MBNL1: variants seen among roughly 807,000 people sequenced by gnomAD.
MBNL1 encodes the protein muscleblind-like protein 1.
Under a neutral mutation model 42.2 loss-of-function variants are expected in MBNL1, and 8 were observed. The ratio of observed to expected loss-of-function variants is 0.19; its 90% CI spans 0.11 to 0.34. MBNL1 has a LOEUF of 0.34. Ranked by LOEUF, MBNL1 falls within the 10% of genes least tolerant of loss-of-function variation. The probability of loss-of-function intolerance (pLI) is 1.00; values close to 1 mark genes in which losing one functional copy is unlikely to be tolerated. For synonymous variants in MBNL1, 169 were observed against 173.9 expected (o/e 0.97, Z 0.22); for missense variants, 309 against 495.3 (o/e 0.62, Z 3.57).
chr3:152,323,456 C>T (rs965773648), intron 2 of MBNL1, among the ~76,000 whole-genome samples: 10 of 152,020 alleles, frequency 6.6e-5, no homozygotes, highest in African/African-American at 1.4e-4. Context: ...TGTACACACA[C>T]GTGCGTGCAC....
At chr3:152,324,986 G>A (rs1417028290) in intron 2 of MBNL1, among the ~76,000 whole-genome samples, 1 of 145,412 alleles carries the variant, frequency 6.9e-6, no homozygotes, top group Non-Finnish European at 1.5e-5. Context: ...ATGTACAGTG[G>A]GTCATCTACT....
intron 1 of MBNL1, among the ~76,000 whole-genome samples, chr3:152,283,903 C>G (rs1469437733): frequency 6.6e-6 from 1 of 152,152 alleles, no homozygotes; most frequent in Non-Finnish European, 1.5e-5. Context: ...TTTCTTATCC[C>G]TTTTGAAACT....
In MBNL1 at chr3:152,340,549, T is replaced by C. The variant is rs751673981; in HGVS notation, c.174+40182T>C. The C allele has an allele frequency of 5.0e-6, 8 of 1,611,542 alleles. No homozygotes were observed. In the South Asian group the frequency reaches 7.7e-5, roughly 16 times the overall value. ...TTTTTAATTCTTCATGAGTCCAAGC[T>C]GAGACATAGCTACAACTGACAGGAT... On this transcript the variant is annotated intron_variant, in intron 2 of 9. Coordinates refer to ENST00000324210, the MANE Select transcript of MBNL1 (RefSeq NM_021038.5).
chr3:152,415,499 T>A (rs1476591599), intron 3 of MBNL1, among the ~76,000 whole-genome samples: 3 of 152,220 alleles, frequency 2.0e-5, no homozygotes, highest in African/African-American at 4.8e-5. Context: ...GTCTTTAATT[T>A]TGAGAATAGT....
chr3:152,299,674 T>C lies in MBNL1; in HGVS notation c.-520T>C, dbSNP rs780074802. Reference sequence around the variant, plus strand: ...AGGAAATCAAGGAGGAAAAAAAAAATCATTTTCTCGATTTTGCTCTAAACT... The same window carrying C: ...AGGAAATCAAGGAGGAAAAAAAAAACCATTTTCTCGATTTTGCTCTAAACT... On this transcript the variant is annotated 5_prime_UTR_variant, in exon 2 of 10. Transcript: ENST00000324210. 1.5e-5 allele frequency: 6 copies of C among 398,376 alleles called. No homozygotes were observed. The highest frequency in any genetic ancestry group is 2.7e-5 in the Non-Finnish European group (6 of 226,064). The allele number at this position is 398,376 out of a possible 1,614,324, so 24.7% of individuals were successfully genotyped here.
intron 2 of MBNL1, among the ~76,000 whole-genome samples, chr3:152,317,583 G>A (rs1173015808): frequency 6.6e-6 from 1 of 152,126 alleles, no homozygotes; most frequent in African/African-American, 2.4e-5. Context: ...GCCTCTGAAA[G>A]TGTTGGGATT....
chr3:152,367,535 T>C (rs1382204218), intron 2 of MBNL1, among the ~76,000 whole-genome samples: 1 of 152,194 alleles, frequency 6.6e-6, no homozygotes, highest in Non-Finnish European at 1.5e-5. Context: ...ATCCTTTGAG[T>C]ATATACCCAG....
intron 2 of MBNL1, among the ~76,000 whole-genome samples, chr3:152,247,465 T>TA (rs1260471049): frequency 6.6e-6 from 1 of 151,942 alleles, no homozygotes; most frequent in Non-Finnish European, 1.5e-5. Flanking sequence ...AAAATACCTT[T>TA]TACAGATATA....
intron 8 of MBNL1, chr3:152,457,811 T>C (rs1736782301): frequency 6.9e-6 from 2 of 291,892 alleles, no homozygotes; most frequent in Admixed American, 4.7e-5. Flanking sequence ...AGCAGAACTA[T>C]AGCAGAGCAA....
intron 2 of MBNL1, among the ~76,000 whole-genome samples, chr3:152,384,337 C>T (rs2097315978): frequency 1.3e-5 from 2 of 152,002 alleles, no homozygotes; most frequent in African/African-American, 4.8e-5. Context: ...ACCCTTTATC[C>T]TCAGAAGTTG....
chr3:152,450,615 T>C (rs1720837272), intron 6 of MBNL1, among the ~76,000 whole-genome samples: 1 of 152,230 alleles, frequency 6.6e-6, no homozygotes, highest in Non-Finnish European at 1.5e-5. Context: ...CAGAGGATTG[T>C]CTGCCTGGCA....
chr3:152,298,930 T>G (rs2151437398), intron 1 of MBNL1: 1 of 152,372 alleles, frequency 6.6e-6, no homozygotes. Context: ...GATCTTCAAG[T>G]GCTTAGACTT....
intron 4 of MBNL1, among the ~76,000 whole-genome samples, chr3:152,444,205 C>T (rs1560619915): frequency 6.6e-6 from 1 of 152,100 alleles, no homozygotes; most frequent in East Asian, 1.9e-4. Flanking sequence ...ATTAAAAGGA[C>T]ATTCTGTGTT....
chr3:152,307,527 A>AT (rs2063800730), intron 2 of MBNL1, among the ~76,000 whole-genome samples: 1 of 151,922 alleles, frequency 6.6e-6, no homozygotes, highest in African/African-American at 2.4e-5. Flanking sequence ...AGTGCTTTTC[A>AT]TTTTTTTCAT....
chr3:152,324,463 G>A (rs964850098), intron 2 of MBNL1, among the ~76,000 whole-genome samples: 13 of 152,056 alleles, frequency 8.5e-5, no homozygotes, highest in African/African-American at 2.9e-4. Context: ...GGTTTATGTC[G>A]AGACCTCTTC....
At chr3:152,453,955 A>G (rs1209988526) in intron 6 of MBNL1, among the ~76,000 whole-genome samples, 1 of 152,152 alleles carries the variant, frequency 6.6e-6, no homozygotes, top group Non-Finnish European at 1.5e-5. Flanking sequence ...ATTCTTTTTC[A>G]TTCATCATTT....
At chr3:152,286,398 TATA>T (rs1411217704) in intron 1 of MBNL1, among the ~76,000 whole-genome samples, 1 of 138,314 alleles carries the variant, frequency 7.2e-6, no homozygotes, top group Non-Finnish European at 1.6e-5. Flanking sequence ...ATATTTTATT[TATA>T]ATATAAATAT....
intron 2 of MBNL1, among the ~76,000 whole-genome samples, chr3:152,331,953 A>G (rs1374835810): frequency 6.6e-6 from 1 of 152,124 alleles, no homozygotes; most frequent in Middle Eastern, 3.2e-3. Context: ...CAGCCTCCCA[A>G]AGTGCTGGGA....
intron 2 of MBNL1, among the ~76,000 whole-genome samples, chr3:152,260,894 A>C (rs1391602990): frequency 2.0e-5 from 3 of 152,216 alleles, no homozygotes; most frequent in Non-Finnish European, 2.9e-5. Context: ...ATCCACAGCT[A>C]GTCCTAACTC....
Sources: gnomAD v4.1 joint callset for allele counts (sites outside exome capture counted in the v4.1 genomes callset) on GRCh38, gnomAD v4.1.1 for gene constraint, MANE v1.5 for transcripts, NCBI Gene and HGNC (gene_info 2026-07-23, HGNC 2026-07-21) for gene names.